MGAM2: variants seen among roughly 807,000 people sequenced by gnomAD.
MGAM2 encodes probable maltase-glucoamylase 2.
A neutral mutation model predicts 96.1 loss-of-function variants in MGAM2; 98 were observed. The ratio of observed to expected loss-of-function variants is 1.02; its 90% CI spans 0.87 to 1.21. The LOEUF (loss-of-function observed/expected upper bound fraction) is 1.21. Ranked by LOEUF, MGAM2 falls within the 50% of genes most tolerant of loss-of-function variation. The pLI, the probability that MGAM2 is intolerant of heterozygous loss-of-function variation, is 0.00. For missense variants in MGAM2, 2,055 were observed against 1,182.4 expected (o/e 1.74, Z -10.82); for synonymous variants, 749 against 414.8 (o/e 1.81, Z -9.79).
At chr7:142,187,872 C>T (rs1354435665) in intron 36 of MGAM2, 38 bp downstream of exon 36, 1 of 694,700 alleles carries the variant, frequency 1.4e-6, no homozygotes, top group Non-Finnish European at 2.6e-6. Flanking sequence ...TACTTTCCTA[C>T]TCAAAGACTC....
Position 142,185,102 on chromosome 7 carries a change from T to C in MGAM2, c.3950T>C (p.Ile1317Thr), listed in dbSNP as rs1198316510. 1 of 702,992 alleles carries C rather than the reference T, an allele frequency of 1.4e-6. No individual in the cohort carries two copies. Among genetic ancestry groups the C allele is most frequent in the Non-Finnish European group, 2.6e-6 (1 of 384,958 alleles). The allele number at this position is 702,992 out of a possible 1,614,324, so 43.5% of individuals were successfully genotyped here. A position where few individuals can be genotyped will look rare whatever the true frequency, so the allele number is the denominator to read the frequency against. ...GTTTGGCCAGATCTGCCTAATGTAA[T>C]TGTAGATGGATCCCTTGACCATGAA... is the stretch of plus-strand genomic sequence containing the variant. ...GKVWPDLPNVIVDGSLDHETQ... is the reference protein window; with the variant it reads ...GKVWPDLPNVTVDGSLDHETQ... The change falls in exon 34 of 48, where the codon ATT (isoleucine) becomes ACT (threonine). Residue 1317 changes from isoleucine (I) to threonine (T), a missense_variant. Ile to Thr is a moderately conservative substitution (Grantham distance 89, BLOSUM62 -1). Transcript: ENST00000477922.
intron 13 of MGAM2, 199 bp downstream of exon 13, chr7:142,144,081 T>C: frequency 2.6e-6 from 1 of 383,840 alleles, no homozygotes; most frequent in African/African-American, 2.0e-5. Context: ...TTATCCTGCA[T>C]CTTTCATCAA....
chr7:142,140,831 G>A lies in MGAM2; in HGVS notation c.1116G>A (p.Met372Ile), dbSNP rs1190216963. Residue 372 changes from methionine to isoleucine, a missense_variant, in exon 11 of 48, where the codon ATG (methionine) becomes ATA (isoleucine). Transcript: ENST00000477922. Reference protein sequence around the residue: ...YDVQYSDIDYMDGKKDFTVDE... With the variant: ...YDVQYSDIDYIDGKKDFTVDE... ...TCCAGTACTCTGACATAGACTACAT[G>A]GATGGAAAGAAGGATTTCACTGTTG... 1.4e-6 allele frequency: 1 copy of A among 702,922 alleles called. No homozygotes were observed. Among genetic ancestry groups the A allele is most frequent in the South Asian group, 1.5e-5 (1 of 67,572 alleles). The allele number at this position is 702,922 out of a possible 1,614,324, so 43.5% of individuals were successfully genotyped here. A position where few individuals can be genotyped will look rare whatever the true frequency, so the allele number is the denominator to read the frequency against.
chr7:142,200,884 T>C (rs140785906), intron 45 of MGAM2, among the ~76,000 whole-genome samples: 1,781 of 152,162 alleles, frequency 0.012, 46 homozygotes, highest in African/African-American at 0.041. Flanking sequence ...ATTTTTAATA[T>C]GGCTGAAAAC....
At chr7:142,169,361 G>T (rs570578968) in intron 26 of MGAM2, among the ~76,000 whole-genome samples, 2 of 151,960 alleles carry the variant, frequency 1.3e-5, no homozygotes, top group African/African-American at 2.4e-5. Flanking sequence ...GGTGGAGATC[G>T]CAGTAAGCCG....
rs57967255 is a variant in MGAM2, at chr7:142,111,998, CTGTGTGTGTGTGTGTG to C, written c.-1+222_-1+237del. Among the ~76,000 whole-genome samples the C allele has an allele frequency of 9.3e-3, 1,247 of 133,692 alleles. 12 individuals are homozygous for C. The highest frequency in any genetic ancestry group is 0.027 in the Middle Eastern group (7 of 256). The allele number at this position is 133,692 out of a possible 152,430, so 87.7% of individuals were successfully genotyped here. A position where few individuals can be genotyped will look rare whatever the true frequency, so the allele number is the denominator to read the frequency against. On this transcript the variant is annotated intron_variant, in intron 1 of 47. Transcript: ENST00000477922. ...TGAGATAGTTGATGGAGAGGAGAGA[CTGTGTGTGTGTGTGTG>C]TGTGTGTGTGTGTGTGTGTGTGTGT...
rs548752548 is a variant in MGAM2, at chr7:142,160,774, A to G, written c.2346-351A>G. On this transcript the variant is annotated intron_variant, in intron 21 of 47. Coordinates refer to ENST00000477922, the MANE Select transcript of MGAM2 (RefSeq NM_001293626.2). ...AGATGATGATAGTTTAACTTTGTAGAGTTATTATGAGGGTTAAATGAATTA... is the reference window on the plus strand; with the variant it reads ...AGATGATGATAGTTTAACTTTGTAGGGTTATTATGAGGGTTAAATGAATTA... Among the ~76,000 whole-genome samples, 25 of 151,706 alleles carry G rather than the reference A, an allele frequency of 1.6e-4. No individual in the cohort carries two copies. In the South Asian group the frequency reaches 5.0e-3, roughly 31 times the overall value.
chr7:142,140,671 C>A (rs1055637609), intron 10 of MGAM2, 131 bp from the exon 11 acceptor site: 1 of 559,636 alleles, frequency 1.8e-6, no homozygotes, highest in East Asian at 2.9e-5. Context: ...TAAGAAGTAG[C>A]CAAGCCCTGG....
chr7:142,145,020 C>A (rs375656876), intron 14 of MGAM2, 75 bp downstream of exon 14: 3 of 673,548 alleles, frequency 4.5e-6, no homozygotes, highest in South Asian at 3.2e-5. Flanking sequence ...TCAGTGTGGT[C>A]GGGAGCAATT....
chr7:142,217,626 TG>T (rs758486474), intron 46 of MGAM2, among the ~76,000 whole-genome samples: 79 of 151,798 alleles, frequency 5.2e-4, no homozygotes, highest in South Asian at 1.2e-3. Context: ...TGGGAAGGGG[TG>T]GGGGCCATAA....
chr7:142,210,701 A>G (rs555434885), intron 46 of MGAM2, among the ~76,000 whole-genome samples: 1 of 152,320 alleles, frequency 6.6e-6, no homozygotes, highest in East Asian at 1.9e-4. Context: ...AGGGGCTTGT[A>G]GATAAAACTC....
chr7:142,116,612 G>T (rs1817410500), intron 1 of MGAM2, among the ~76,000 whole-genome samples: 1 of 152,150 alleles, frequency 6.6e-6, no homozygotes, highest in Admixed American at 6.5e-5. Flanking sequence ...AGTTCTTCAT[G>T]TCTGATATAC....
intron 45 of MGAM2, among the ~76,000 whole-genome samples, chr7:142,203,514 G>C (rs1797304043): frequency 6.6e-6 from 1 of 151,950 alleles, no homozygotes; most frequent in Non-Finnish European, 1.5e-5. Context: ...AATTCCTATG[G>C]AACCAGAAAA....
Position 142,221,623 on chromosome 7 carries a change from A to T in MGAM2, c.7112A>T (p.Asp2371Val), listed in dbSNP as rs1399425133. The T allele has an allele frequency of 2.1e-6, 1 of 474,630 alleles. No homozygotes were observed. Among genetic ancestry groups the T allele is most frequent in the Non-Finnish European group, 3.7e-6 (1 of 272,018 alleles). The allele number at this position is 474,630 out of a possible 1,614,324, so 29.4% of individuals were successfully genotyped here. Residue 2371 changes from aspartate to valine, a missense_variant, in exon 48 of 48, where the codon GAT (aspartate) becomes GTT (valine). Coordinates refer to ENST00000477922, the MANE Select transcript of MGAM2 (RefSeq NM_001293626.2). The stretch of plus-strand genomic sequence containing the variant: ...ACCAAAGATAATACCATGAGTCCAG[A>T]TACAACAGTTACTTCCATAGACAAA... Reference protein sequence around the residue: ...TSTKDNTMSPDTTVTSIDKFT... With the variant: ...TSTKDNTMSPVTTVTSIDKFT...
At chr7:142,116,269 C>T (rs554819886) in intron 1 of MGAM2, among the ~76,000 whole-genome samples, 7 of 152,234 alleles carry the variant, frequency 4.6e-5, no homozygotes, top group East Asian at 3.9e-4. Flanking sequence ...AAATGATCTT[C>T]GGGGTTACTG....
chr7:142,158,392 C>T lies in MGAM2; in HGVS notation c.2163+60C>T, dbSNP rs928873315. On this transcript the variant is annotated intron_variant, in intron 19 of 47. Coordinates refer to ENST00000477922, the MANE Select transcript of MGAM2 (RefSeq NM_001293626.2). ...TGCACTTGTCCTCATGGTTCTATAG[C>T]TGGATAAGTTGGTTCCTATCTATGA... 1.4e-5 allele frequency: 10 copies of T among 696,192 alleles called. No individual in the cohort carries two copies. In the Admixed American group the frequency reaches 2.0e-4, roughly 14 times the overall value. 43.1% of individuals were successfully genotyped at this position (696,192 alleles called of 1,614,324 possible).
chr7:142,158,592 A>G (rs1159299246), intron 19 of MGAM2, among the ~76,000 whole-genome samples: 1 of 152,128 alleles, frequency 6.6e-6, no homozygotes, highest in Non-Finnish European at 1.5e-5. Flanking sequence ...AGCATTGACA[A>G]TGGCTTTAAA....
chr7:142,152,388 A>G (rs915241402), intron 15 of MGAM2, among the ~76,000 whole-genome samples: 8 of 152,344 alleles, frequency 5.3e-5, no homozygotes, highest in Middle Eastern at 6.8e-3. Flanking sequence ...TTAAAGTAGA[A>G]GTGGGGATAG....
chr7:142,163,359 G>A (rs564773426), intron 23 of MGAM2, among the ~76,000 whole-genome samples: 2 of 152,214 alleles, frequency 1.3e-5, no homozygotes, highest in Non-Finnish European at 2.9e-5. Flanking sequence ...TCAGCCCACT[G>A]CAACCTCCGC....
Sources: allele counts gnomAD v4.1 joint callset (sites outside exome capture counted in the v4.1 genomes callset), GRCh38; gene constraint gnomAD v4.1.1; transcripts MANE v1.5; gene names NCBI Gene and HGNC (gene_info 2026-07-23, HGNC 2026-07-21).